RNGTT: variants seen among roughly 807,000 people sequenced by gnomAD.
RNGTT encodes the protein mRNA-capping enzyme.
In RNGTT, 33 loss-of-function variants were observed where a neutral mutation model predicts 79.3. The observed-to-expected ratio is 0.42, with a 90% CI of 0.32 to 0.56. The LOEUF is 0.56. Among genes scored for constraint, RNGTT ranks in the 20% least tolerant of loss-of-function variants. The pLI, the probability that RNGTT is intolerant of heterozygous loss-of-function variation, is 0.17. For missense variants in RNGTT, 497 were observed against 739.1 expected (o/e 0.67, Z 3.80); for synonymous variants, 222 against 235.9 (o/e 0.94, Z 0.54).
At chr6:88,761,835 C>T (rs1434172190) in intron 13 of RNGTT, among the ~76,000 whole-genome samples, 1 of 152,152 alleles carries the variant, frequency 6.6e-6, no homozygotes, top group Non-Finnish European at 1.5e-5. Context: ...AATCTTCCAA[C>T]AGTTTTTCAA....
intron 8 of RNGTT, among the ~76,000 whole-genome samples, chr6:88,857,316 G>C (rs1781874480): frequency 6.6e-6 from 1 of 151,984 alleles, no homozygotes. Flanking sequence ...TTAAACTCCT[G>C]GTAATTTAAA....
In RNGTT at chr6:88,648,713, T is replaced by C. The variant is rs564514170; in HGVS notation, c.1506+29640A>G. Among the ~76,000 whole-genome samples, 179 of 152,294 alleles carry C rather than the reference T, an allele frequency of 1.2e-3. 5 individuals are homozygous for C. Among genetic ancestry groups the C allele is most frequent in the African/African-American group, 4.2e-3 (173 of 41,564 alleles). Reference sequence around the variant, plus strand: ...CACTCACAACCTACCATTCTCCTAATTGGTAGTGCAAAACAGTTCTTGCTT... The same window carrying C: ...CACTCACAACCTACCATTCTCCTAACTGGTAGTGCAAAACAGTTCTTGCTT... On this transcript the variant is annotated intron_variant, in intron 14 of 15. Transcript: ENST00000369485.
At chr6:88,645,449 A>T (rs895512205) in intron 14 of RNGTT, among the ~76,000 whole-genome samples, 1 of 152,226 alleles carries the variant, frequency 6.6e-6, no homozygotes, top group Admixed American at 6.5e-5. Context: ...TATAGATTCA[A>T]TGCCATCCCC....
At chr6:88,695,227 C>A (rs1381708845) in intron 13 of RNGTT, among the ~76,000 whole-genome samples, 1 of 152,008 alleles carries the variant, frequency 6.6e-6, no homozygotes, top group Non-Finnish European at 1.5e-5. Context: ...AAGAGACAAC[C>A]TACAGATTTG....
rs191519881 is a variant in RNGTT at position 88,942,825 on chromosome 6, T to C, written c.65-1645A>G. Among the ~76,000 whole-genome samples the C allele has an allele frequency of 1.5e-3, 225 of 152,338 alleles. 1 individual carries two copies. Among genetic ancestry groups the C allele is most frequent in the Middle Eastern group, 3.4e-3 (1 of 294 alleles). On this transcript the variant is annotated intron_variant, in intron 1 of 15. Coordinates refer to ENST00000369485, the MANE Select transcript of RNGTT (RefSeq NM_003800.5). ...CACCCATAACCTCCACATTGCTAAA[T>C]CAAATGGTCAACTCTCAGTTCTCAC...
intron 11 of RNGTT, among the ~76,000 whole-genome samples, chr6:88,826,662 A>C (rs1220664581): frequency 4.0e-5 from 6 of 151,786 alleles, no homozygotes; most frequent in East Asian, 1.9e-4. Flanking sequence ...ACATGCCTGT[A>C]ATCTCAACTA....
intron 11 of RNGTT, among the ~76,000 whole-genome samples, chr6:88,806,089 T>C (rs1779943720): frequency 6.6e-6 from 1 of 152,120 alleles, no homozygotes; most frequent in Non-Finnish European, 1.5e-5. Context: ...TACCTCAGTC[T>C]CTTTTGTTCA....
rs181865447 is a variant in RNGTT at position 88,772,213 on chromosome 6, C to G, written c.1339-2339G>C. Among the ~76,000 whole-genome samples the G allele has an allele frequency of 2.0e-3, 288 of 147,670 alleles. 4 individuals carry two copies. The highest frequency in any genetic ancestry group is 7.1e-3 in the African/African-American group (282 of 39,976). ...AAATGTGCAATAGCATCTAGAGGAACAAAATATGTAGGAATTAATTTAACC... is the reference window on the plus strand; with the variant it reads ...AAATGTGCAATAGCATCTAGAGGAAGAAAATATGTAGGAATTAATTTAACC... On this transcript the variant is annotated intron_variant, in intron 12 of 15. Coordinates refer to ENST00000369485, the MANE Select transcript of RNGTT (RefSeq NM_003800.5).
rs551697535 is a variant in RNGTT at position 88,650,511 on chromosome 6, T to C, written c.1506+27842A>G. ...TTGAAAAACATTAGAATGTTTTAAT[T>C]CCAGCTATGCTCACACAAGGCATAC... On this transcript the variant is annotated intron_variant, in intron 14 of 15. Coordinates refer to ENST00000369485, the MANE Select transcript of RNGTT (RefSeq NM_003800.5). Among the ~76,000 whole-genome samples the C allele has an allele frequency of 1.5e-4, 23 of 152,248 alleles. No homozygotes were observed. In the South Asian group the frequency reaches 4.8e-3, roughly 32 times the overall value.
At chr6:88,656,179 A>G (rs930627911) in intron 14 of RNGTT, among the ~76,000 whole-genome samples, 6 of 152,248 alleles carry the variant, frequency 3.9e-5, no homozygotes, top group Non-Finnish European at 8.8e-5. Flanking sequence ...ATATAAAGGT[A>G]TAATGAACTA....
intron 14 of RNGTT, among the ~76,000 whole-genome samples, chr6:88,668,992 CCT>C (rs1161793861): frequency 2.0e-5 from 3 of 152,044 alleles, no homozygotes; most frequent in Non-Finnish European, 4.4e-5. Context: ...TGAAAAAGAC[CCT>C]GTTTGCCTAC....
intron 13 of RNGTT, among the ~76,000 whole-genome samples, chr6:88,712,118 G>C (rs1217961692): frequency 6.6e-6 from 1 of 152,094 alleles, no homozygotes; most frequent in Non-Finnish European, 1.5e-5. Context: ...TTCCTTTAGG[G>C]GGATAAATTT....
chr6:88,701,965 C>T (rs1562204535), intron 13 of RNGTT, among the ~76,000 whole-genome samples: 1 of 151,748 alleles, frequency 6.6e-6, no homozygotes. Context: ...TTTACGATAG[C>T]CACAAAAAAC....
Position 88,890,712 on chromosome 6 carries a change from T to C in RNGTT, c.795-116A>G, listed in dbSNP as rs1267633712. 10 of 554,060 alleles carry C rather than the reference T, an allele frequency of 1.8e-5. 1 individual carries two copies. In the South Asian group the frequency reaches 2.0e-4, roughly 11 times the overall value. 34.3% of individuals were successfully genotyped at this position (554,060 alleles called of 1,614,324 possible). A position where few individuals can be genotyped will look rare whatever the true frequency, so the allele number is the denominator to read the frequency against. ...TCACAATGTTCTCCCTATGATGAGATTAATGTCAGCTGGAATAACATCCGC... is the reference window on the plus strand; with the variant it reads ...TCACAATGTTCTCCCTATGATGAGACTAATGTCAGCTGGAATAACATCCGC... On this transcript the variant is annotated intron_variant, in intron 7 of 15. Transcript: ENST00000369485.
At chr6:88,729,983 T>C in intron 13 of RNGTT, among the ~76,000 whole-genome samples, 1 of 152,154 alleles carries the variant, frequency 6.6e-6, no homozygotes, top group Admixed American at 6.5e-5. Context: ...CATGCATCTG[T>C]GGGTTGGTGC....
chr6:88,817,677 A>G (rs969231151), intron 11 of RNGTT, among the ~76,000 whole-genome samples: 2 of 149,134 alleles, frequency 1.3e-5, no homozygotes, highest in Non-Finnish European at 3.0e-5. Flanking sequence ...TCCTTCACGT[A>G]CTTTGCCAAC....
Position 88,844,336 on chromosome 6 carries a change from T to TA in RNGTT, c.1269+20dup, listed in dbSNP as rs372555243. 9.5e-4 allele frequency: 1,511 copies of TA among 1,585,934 alleles called. 10 individuals carry two copies. The African/African-American group carries it at 0.016, about 17-fold the overall frequency. ...TTATGAGACATTATTAGCACTAATT[T>TA]AAAAAAAAATTAAACTTTACCTTTC... is the stretch of plus-strand genomic sequence containing the variant. On this transcript the variant is annotated intron_variant, in intron 11 of 15. Coordinates refer to ENST00000369485, the MANE Select transcript of RNGTT (RefSeq NM_003800.5).
intron 2 of RNGTT, among the ~76,000 whole-genome samples, chr6:88,931,572 A>T (rs1784515030): frequency 6.6e-6 from 1 of 152,212 alleles, no homozygotes; most frequent in Non-Finnish European, 1.5e-5. Context: ...GTGATGCCTA[A>T]GAATCACACC....
In RNGTT at chr6:88,812,292, G is replaced by A. The variant is rs1473333518; in HGVS notation, c.1270-10660C>T. Among the ~76,000 whole-genome samples the A allele has an allele frequency of 2.6e-5, 4 of 152,224 alleles. No individual in the cohort carries two copies. The East Asian group carries it at 7.7e-4, about 29-fold the overall frequency. ...CTGGTGAATCCTATTTGACAAGTTA[G>A]AAAATCTCAAACAAAATTTCTCTAG... On this transcript the variant is annotated intron_variant, in intron 11 of 15. Transcript: ENST00000369485.
Sources: allele counts gnomAD v4.1 joint callset (sites outside exome capture counted in the v4.1 genomes callset), GRCh38; gene constraint gnomAD v4.1.1; transcripts MANE v1.5; gene names NCBI Gene and HGNC (gene_info 2026-07-23, HGNC 2026-07-21).